Variants in SPIDR observed in about 807,000 individuals in gnomAD.
The protein encoded by SPIDR is scaffold protein involved in DNA repair.
Under a neutral mutation model 104.6 loss-of-function variants are expected in SPIDR, and 93 were observed. That is an observed-to-expected ratio of 0.89 (90% confidence interval 0.75 to 1.06). SPIDR has a LOEUF of 1.06. SPIDR is among the 50% of genes least tolerant of loss of function. The pLI is 0.00. For missense variants in SPIDR, 1,154 were observed against 1,111.2 expected (o/e 1.04, Z -0.55); for synonymous variants, 431 against 416.9 (o/e 1.03, Z -0.41).
At chr8:47,505,708 G>A (rs148238599) in intron 8 of SPIDR, among the ~76,000 whole-genome samples, 136 of 152,310 alleles carry the variant, frequency 8.9e-4, no homozygotes, top group African/African-American at 3.0e-3. Flanking sequence ...CGTTGGTCAC[G>A]CTGGGAGCTG....
intron 5 of SPIDR, among the ~76,000 whole-genome samples, chr8:47,384,650 C>T (rs782107096): frequency 7.2e-5 from 11 of 152,166 alleles, no homozygotes; most frequent in Admixed American, 3.3e-4. Flanking sequence ...GGAGGCGGTT[C>T]GCTCTGAGCA....
At chr8:47,509,112 A>G (rs1463288036) in intron 8 of SPIDR, among the ~76,000 whole-genome samples, 1 of 152,026 alleles carries the variant, frequency 6.6e-6, no homozygotes, top group African/African-American at 2.4e-5. Flanking sequence ...AGGCTTTCCC[A>G]CTACTCTGGC....
At chr8:47,597,001 C>A (rs1294205610) in intron 9 of SPIDR, among the ~76,000 whole-genome samples, 1 of 152,192 alleles carries the variant, frequency 6.6e-6, no homozygotes, top group African/African-American at 2.4e-5. Context: ...AAGCTGTCAT[C>A]TCCTTGGATA....
At chr8:47,290,834 GA>G (rs2039782374) in intron 3 of SPIDR, among the ~76,000 whole-genome samples, 198 bp from the exon 4 acceptor site, 2 of 151,838 alleles carry the variant, frequency 1.3e-5, no homozygotes, top group African/African-American at 4.8e-5. Flanking sequence ...TTTCTTCTTG[GA>G]ACTTGGCTTC....
At chr8:47,492,505 A>G (rs1413167357) in intron 8 of SPIDR, among the ~76,000 whole-genome samples, 1 of 152,220 alleles carries the variant, frequency 6.6e-6, no homozygotes. Context: ...ATTATTAGTG[A>G]CAAATGAGTG....
intron 5 of SPIDR, among the ~76,000 whole-genome samples, chr8:47,381,323 C>G (rs1563795796): frequency 6.6e-6 from 1 of 152,200 alleles, no homozygotes; most frequent in Admixed American, 6.5e-5. Flanking sequence ...GCCACCAGTA[C>G]TCTTTCATTC....
At chr8:47,424,456 C>T (rs189140001) in intron 7 of SPIDR, among the ~76,000 whole-genome samples, 2 of 152,166 alleles carry the variant, frequency 1.3e-5, no homozygotes, top group African/African-American at 4.8e-5. Flanking sequence ...AGTCACATGC[C>T]ACCACACCCA....
chr8:47,591,476 A>C (rs1402481020), intron 8 of SPIDR, among the ~76,000 whole-genome samples: 1 of 151,566 alleles, frequency 6.6e-6, no homozygotes, highest in Non-Finnish European at 1.5e-5. Context: ...TAGAATAACA[A>C]AAAACATTTT....
chr8:47,512,772 C>T (rs1468396923), intron 8 of SPIDR, among the ~76,000 whole-genome samples: 2 of 152,020 alleles, frequency 1.3e-5, no homozygotes, highest in African/African-American at 2.4e-5. Context: ...CAAAGTATTG[C>T]GGGGGAGGCA....
chr8:47,716,949 C>T (rs181811054), intron 16 of SPIDR, among the ~76,000 whole-genome samples: 12 of 152,156 alleles, frequency 7.9e-5, no homozygotes, highest in South Asian at 2.1e-4. Context: ...AATTCTGCAG[C>T]CCCAGAGACT....
intron 8 of SPIDR, among the ~76,000 whole-genome samples, chr8:47,574,034 A>G (rs771363408): frequency 2.9e-4 from 44 of 152,306 alleles, no homozygotes; most frequent in Middle Eastern, 6.8e-3. Context: ...TTGCACATTT[A>G]TCTATTTTAG....
intron 5 of SPIDR, among the ~76,000 whole-genome samples, chr8:47,380,552 C>T (rs1428343740): frequency 2.6e-5 from 4 of 152,026 alleles, no homozygotes; most frequent in African/African-American, 9.7e-5. Context: ...GATTCCCCTC[C>T]CCTCTTGCCC....
chr8:47,413,287 G>A lies in SPIDR; in HGVS notation c.877+5326G>A, dbSNP rs576831216. ...AGGAGATGGAATGCTAATTCTGTGAGGACTCTTAGAGACATTCCAGTCCAA... is the reference window on the plus strand; with the variant it reads ...AGGAGATGGAATGCTAATTCTGTGAAGACTCTTAGAGACATTCCAGTCCAA... On this transcript the variant is annotated intron_variant, in intron 7 of 19. Transcript: ENST00000297423. Among the ~76,000 whole-genome samples the A allele has an allele frequency of 4.6e-5, 7 of 152,336 alleles. No homozygotes were observed. In the South Asian group the frequency reaches 8.3e-4, roughly 18 times the overall value.
chr8:47,404,541 G>A (rs1481626072), intron 6 of SPIDR, among the ~76,000 whole-genome samples: 4 of 152,120 alleles, frequency 2.6e-5, no homozygotes, highest in African/African-American at 9.7e-5. Flanking sequence ...GTGGGCAAGG[G>A]ATATGAACAG....
At chr8:47,567,471 G>T (rs554377771) in intron 8 of SPIDR, among the ~76,000 whole-genome samples, 2 of 151,752 alleles carry the variant, frequency 1.3e-5, no homozygotes, top group African/African-American at 4.8e-5. Context: ...CACCTGCCTC[G>T]GCCTCCCAAA....
chr8:47,429,723 T>C lies in SPIDR; in HGVS notation c.878-10600T>C, dbSNP rs542757640. ...TACTTCATCTGCGCTGCAGTTTTTT[T>C]ACTGACAAAGGGTGACTTTGTTAAA... On this transcript the variant is annotated intron_variant, in intron 7 of 19. Transcript: ENST00000297423. Among the ~76,000 whole-genome samples the C allele has an allele frequency of 3.3e-5, 5 of 151,904 alleles. No homozygotes were observed. In the South Asian group the frequency reaches 1.0e-3, roughly 32 times the overall value.
chr8:47,640,748 G>A (rs957632910), intron 10 of SPIDR, among the ~76,000 whole-genome samples: 1 of 143,470 alleles, frequency 7.0e-6, no homozygotes, highest in African/African-American at 2.6e-5. Flanking sequence ...CACGATCTCA[G>A]CTCTCTGCAA....
At chr8:47,454,161 T>A (rs763959585) in intron 8 of SPIDR, among the ~76,000 whole-genome samples, 14 of 152,164 alleles carry the variant, frequency 9.2e-5, no homozygotes, top group Non-Finnish European at 1.8e-4. Flanking sequence ...CATGCTGCTA[T>A]AAAGACACAT....
intron 8 of SPIDR, among the ~76,000 whole-genome samples, chr8:47,562,578 A>C (rs1156664246): frequency 6.6e-6 from 1 of 152,186 alleles, no homozygotes; most frequent in Non-Finnish European, 1.5e-5. Context: ...GAGAGATGTC[A>C]TTGTCACCTG....
Sources: gnomAD v4.1 joint callset for allele counts (sites outside exome capture counted in the v4.1 genomes callset) on GRCh38, gnomAD v4.1.1 for gene constraint, MANE v1.5 for transcripts, NCBI Gene and HGNC (gene_info 2026-07-23, HGNC 2026-07-21) for gene names.